MTA3: variants seen among roughly 807,000 people sequenced by gnomAD.
The protein encoded by MTA3 is metastasis associated 1 family member 3.
In MTA3, 34 loss-of-function variants were observed where a neutral mutation model predicts 83.5. That is an observed-to-expected ratio of 0.41 (90% CI 0.31 to 0.54). MTA3 has a LOEUF of 0.54. MTA3 is among the 20% of genes least tolerant of loss of function. The pLI is 0.33. For synonymous variants in MTA3, 303 were observed against 252.7 expected, an observed-to-expected ratio of 1.20 and a Z score of -1.89; for missense variants, 761 against 726.4, an observed-to-expected ratio of 1.05 and a Z score of -0.55.
At position 42,568,662 on chromosome 2, in the gene MTA3, C is replaced by T; in HGVS notation, c.-84C>T. ...GAGGCAGCAGCGACGGCGGCGGCGG[C>T]AGCGGCGGTCGCGGCTGAGGCTGAG... On this transcript the variant is annotated 5_prime_UTR_variant, in exon 1 of 17. Transcript: ENST00000405094. 2.0e-6 allele frequency: 2 copies of T among 1,014,150 alleles called. No homozygotes were observed. Among genetic ancestry groups the T allele is most frequent in the Non-Finnish European group, 2.4e-6 (2 of 820,162 alleles). 62.8% of individuals were successfully genotyped at this position (1,014,150 alleles called of 1,614,324 possible).
intron 16 of MTA3, among the ~76,000 whole-genome samples, chr2:42,723,810 CTTAT>C (rs1348130601): frequency 6.6e-6 from 1 of 152,124 alleles, no homozygotes; most frequent in African/African-American, 2.4e-5. Flanking sequence ...CTCTAAATTA[CTTAT>C]GTGACAGTAA....
At chr2:42,746,103 C>T (rs552029077) in intron 16 of MTA3, among the ~76,000 whole-genome samples, 2 of 152,090 alleles carry the variant, frequency 1.3e-5, no homozygotes, top group South Asian at 2.1e-4. Context: ...TGAGCCACTG[C>T]GCCCTGCCAA....
chr2:42,651,344 A>T (rs969568019), intron 6 of MTA3, among the ~76,000 whole-genome samples: 2 of 152,214 alleles, frequency 1.3e-5, no homozygotes, highest in Admixed American at 1.3e-4. Context: ...TTTAAAAATT[A>T]TCTTCAGTAA....
intron 2 of MTA3, among the ~76,000 whole-genome samples, chr2:42,553,849 C>A (rs111615907): frequency 0.039 from 4,804 of 124,354 alleles, 243 homozygotes; most frequent in African/African-American, 0.14. Flanking sequence ...CCAGCCTGGG[C>A]GACAGAGCAA....
intron 16 of MTA3, among the ~76,000 whole-genome samples, chr2:42,736,438 G>T (rs1668621682): frequency 6.6e-6 from 1 of 152,062 alleles, no homozygotes; most frequent in Non-Finnish European, 1.5e-5. Context: ...TCACTGCCTG[G>T]CTACCACCTG....
chr2:42,577,430 G>T (rs1451694701), intron 2 of MTA3, among the ~76,000 whole-genome samples: 1 of 151,490 alleles, frequency 6.6e-6, no homozygotes, highest in Non-Finnish European at 1.5e-5. Flanking sequence ...ATCCCTATTG[G>T]AGGAACTCAC....
intron 7 of MTA3, among the ~76,000 whole-genome samples, chr2:42,659,333 A>C (rs1689459225): frequency 6.6e-6 from 1 of 152,178 alleles, no homozygotes; most frequent in Admixed American, 6.5e-5. Flanking sequence ...TGCTACAGTT[A>C]ATGATATATT....
intron 16 of MTA3, among the ~76,000 whole-genome samples, chr2:42,742,096 T>G (rs1669078570): frequency 6.6e-6 from 1 of 152,162 alleles, no homozygotes; most frequent in African/African-American, 2.4e-5. Flanking sequence ...TAGTGGGGTA[T>G]TTTTCTTTGC....
chr2:42,548,844 ATAAT>A (rs373429568), intron 2 of MTA3, among the ~76,000 whole-genome samples: 3 of 8,532 alleles, frequency 3.5e-4, no homozygotes, highest in African/African-American at 6.6e-4. Flanking sequence ...ATATATATAT[ATAAT>A]ATATATATAT....
At chr2:42,581,305 T>A (rs553510081) in intron 3 of MTA3, among the ~76,000 whole-genome samples, 1 of 150,320 alleles carries the variant, frequency 6.7e-6, no homozygotes, top group East Asian at 2.0e-4. Flanking sequence ...CCTCAAGGGA[T>A]CCTCACAAAG....
intron 2 of MTA3, among the ~76,000 whole-genome samples, chr2:42,546,068 G>A (rs556603464): frequency 3.3e-5 from 5 of 152,270 alleles, no homozygotes; most frequent in South Asian, 4.1e-4. Context: ...TGGCTGATCC[G>A]GGAATTCACT....
chr2:42,506,631 ATTT>A (rs1674643071), intron 2 of MTA3, among the ~76,000 whole-genome samples: 3 of 150,918 alleles, frequency 2.0e-5, no homozygotes, highest in African/African-American at 7.3e-5. Context: ...ATTATTATTT[ATTT>A]ATTTATTTAT....
At chr2:42,729,049 T>TTG (rs1668026028) in intron 16 of MTA3, among the ~76,000 whole-genome samples, 1 of 151,388 alleles carries the variant, frequency 6.6e-6, no homozygotes, top group African/African-American at 2.4e-5. Flanking sequence ...CCTAGAAAGT[T>TTG]TCTCCAGTGT....
At chr2:42,686,138 A>G (rs1028075637) in intron 9 of MTA3, among the ~76,000 whole-genome samples, 16 of 152,192 alleles carry the variant, frequency 1.1e-4, no homozygotes, top group African/African-American at 3.9e-4. Context: ...AAAAGTGATC[A>G]TTGATTATTT....
At chr2:42,719,182 G>T in intron 15 of MTA3, 108 bp downstream of exon 15, 1 of 756,882 alleles carries the variant, frequency 1.3e-6, no homozygotes, top group Non-Finnish European at 2.2e-6. Flanking sequence ...CCTTCAAATA[G>T]CCGAAATTGG....
chr2:42,625,016 A>T (rs985730411), intron 4 of MTA3, among the ~76,000 whole-genome samples: 2 of 152,036 alleles, frequency 1.3e-5, no homozygotes, highest in African/African-American at 4.8e-5. Flanking sequence ...TAATTTGAAG[A>T]TCTGTTTTCC....
intron 16 of MTA3, among the ~76,000 whole-genome samples, chr2:42,743,840 C>A (rs1669213999): frequency 6.6e-6 from 1 of 151,944 alleles, no homozygotes. Context: ...TTCACGAATT[C>A]CAAAAAAAAT....
rs375125322 is a variant in MTA3 at position 42,695,830 on chromosome 2, T to C, written c.957T>C (p.Tyr319=). The change falls in exon 10 of 17, where the codon TAT becomes TAC. Residue 319 remains tyrosine (Y), a synonymous_variant. Transcript: ENST00000405094. The stretch of plus-strand genomic sequence containing the variant: ...ACATGTGGAAAACTACTGACAGATA[T>C]GTGCAACAGGTAATTTTTTTCATAT... The part of the protein sequence containing the change: ...YYYMWKTTDR[Y]VQQKRLKAAE... 2.3e-5 allele frequency: 37 copies of C among 1,578,788 alleles called. No homozygotes were observed. Among genetic ancestry groups the C allele is most frequent in the Non-Finnish European group, 3.0e-5 (35 of 1,160,096 alleles).
chr2:42,745,072 C>G (rs142571829), intron 16 of MTA3, among the ~76,000 whole-genome samples: 33 of 152,308 alleles, frequency 2.2e-4, no homozygotes, highest in African/African-American at 7.0e-4. Context: ...ACTCTTTAAG[C>G]TCAGAAAACA....
Sources: gnomAD v4.1 joint callset for allele counts (sites outside exome capture counted in the v4.1 genomes callset) on GRCh38, gnomAD v4.1.1 for gene constraint, MANE v1.5 for transcripts, NCBI Gene and HGNC (gene_info 2026-07-23, HGNC 2026-07-21) for gene names.